AKAP13: variants seen among roughly 807,000 people sequenced by gnomAD.
AKAP13 encodes the protein A-kinase anchoring protein 13.
Under a neutral mutation model 264.5 loss-of-function variants are expected in AKAP13, and 80 were observed. That is an observed-to-expected ratio of 0.30 (90% CI 0.25 to 0.36). The LOEUF (loss-of-function observed/expected upper bound fraction) is 0.36. Ranked by LOEUF, AKAP13 falls within the 10% of genes least tolerant of loss-of-function variation. The probability of loss-of-function intolerance (pLI) is 1.00; values close to 1 mark genes in which losing one functional copy is unlikely to be tolerated. For synonymous variants in AKAP13, 1,380 were observed against 1,250.2 expected (o/e 1.10, Z -2.19); for missense variants, 3,712 against 3,435.2 (o/e 1.08, Z -2.01).
At chr15:85,603,345 A>G (rs147665497) in intron 8 of AKAP13, among the ~76,000 whole-genome samples, 3 of 152,358 alleles carry the variant, frequency 2.0e-5, no homozygotes, top group Admixed American at 2.0e-4. Context: ...TCATTCTGGC[A>G]CCAATGCCTT....
At chr15:85,424,703 T>C (rs943816822) in intron 1 of AKAP13, among the ~76,000 whole-genome samples, 1 of 152,252 alleles carries the variant, frequency 6.6e-6, no homozygotes, top group Non-Finnish European at 1.5e-5. Context: ...GCAAGAGGCC[T>C]AGCTTTCTGC....
rs1245935452 is a variant in AKAP13, at chr15:85,581,979, C to A, written c.3911C>A (p.Pro1304Gln). The A allele has an allele frequency of 3.7e-6, 6 of 1,614,038 alleles. No individual in the cohort carries two copies. Among genetic ancestry groups the A allele is most frequent in the Admixed American group, 3.3e-5 (2 of 60,008 alleles). ...SAFTEKVSTFPPGESLPMGST... is the reference protein window; with the variant it reads ...SAFTEKVSTFQPGESLPMGST... ...TTTACAGAAAAAGTGAGTACTTTCC[C>A]ACCTGGGGAGAGCCTACCAATGGGC... The change falls in exon 7 of 37, where the codon CCA becomes CAA. Residue 1304 changes from proline to glutamine, a missense_variant. Coordinates refer to ENST00000394518, the MANE Select transcript of AKAP13 (RefSeq NM_007200.5).
chr15:85,639,725 T>A (rs1350367302), intron 9 of AKAP13, among the ~76,000 whole-genome samples: 1 of 152,244 alleles, frequency 6.6e-6, no homozygotes, highest in East Asian at 1.9e-4. Context: ...ATAGGATTTT[T>A]AATCTGGTAA....
chr15:85,535,979 T>G (rs1239886033), intron 4 of AKAP13: 1 of 152,134 alleles, frequency 6.6e-6, no homozygotes, highest in Non-Finnish European at 1.5e-5. Context: ...TTTTGTGTGT[T>G]TTAGTAGAGA....
intron 2 of AKAP13, among the ~76,000 whole-genome samples, chr15:85,513,207 C>A (rs1567097530): frequency 6.6e-6 from 1 of 152,106 alleles, no homozygotes; most frequent in Non-Finnish European, 1.5e-5. Flanking sequence ...CTTGTGTGAG[C>A]ATGGACAGGC....
At chr15:85,449,235 G>A (rs915302028) in intron 1 of AKAP13, among the ~76,000 whole-genome samples, 1 of 152,108 alleles carries the variant, frequency 6.6e-6, no homozygotes, top group African/African-American at 2.4e-5. Context: ...TTTGGTTGCT[G>A]TTGGTATATA....
intron 1 of AKAP13, among the ~76,000 whole-genome samples, chr15:85,466,051 G>T (rs146286155): frequency 7.6e-4 from 115 of 152,300 alleles, no homozygotes; most frequent in African/African-American, 2.6e-3. Context: ...CTTTCTAACT[G>T]GTGTGAGATG....
At chr15:85,676,111 C>T (rs2084213877) in intron 14 of AKAP13, among the ~76,000 whole-genome samples, 1 of 152,140 alleles carries the variant, frequency 6.6e-6, no homozygotes, top group South Asian at 2.1e-4. Context: ...CGGGGTTTCA[C>T]CGTGTTGGCC....
chr15:85,620,792 G>A (rs904446072), intron 8 of AKAP13, among the ~76,000 whole-genome samples: 12 of 152,218 alleles, frequency 7.9e-5, no homozygotes, highest in South Asian at 4.1e-4. Context: ...TGTGTTCTCC[G>A]CATTAGTGAT....
At chr15:85,739,043 A>G (rs1004363146) in intron 33 of AKAP13, among the ~76,000 whole-genome samples, 19 of 152,356 alleles carry the variant, frequency 1.2e-4, no homozygotes, top group South Asian at 8.3e-4. Context: ...TTTACAAAGC[A>G]TGCTGTTGCA....
chr15:85,525,910 T>A (rs2077023402), intron 3 of AKAP13, among the ~76,000 whole-genome samples: 1 of 152,188 alleles, frequency 6.6e-6, no homozygotes, highest in Non-Finnish European at 1.5e-5. Context: ...AACAGGATGT[T>A]TAGTGGGTTT....
intron 8 of AKAP13, among the ~76,000 whole-genome samples, chr15:85,591,221 A>G (rs536175968): frequency 2.0e-3 from 1 of 504 alleles, no homozygotes; most frequent in Admixed American, 0.028. Flanking sequence ...TTTCTATGTG[A>G]ATAATTTTTC....
intron 17 of AKAP13, among the ~76,000 whole-genome samples, chr15:85,705,249 A>G (rs527963041): frequency 6.6e-6 from 1 of 152,178 alleles, no homozygotes; most frequent in Non-Finnish European, 1.5e-5. Context: ...CTCCCTTAAA[A>G]ATCATCATTG....
chr15:85,388,579 T>C (rs1198004134), intron 1 of AKAP13, among the ~76,000 whole-genome samples: 1 of 152,236 alleles, frequency 6.6e-6, no homozygotes, highest in Non-Finnish European at 1.5e-5. Flanking sequence ...TGAATAGATA[T>C]TGAATGTTGT....
At chr15:85,482,063 C>T (rs978675040) in intron 1 of AKAP13, among the ~76,000 whole-genome samples, 3 of 152,288 alleles carry the variant, frequency 2.0e-5, no homozygotes, top group African/African-American at 7.2e-5. Context: ...ATATGCTCCT[C>T]CCTTTAGAAC....
chr15:85,599,586 G>C lies in AKAP13; in HGVS notation c.4161+13763G>C, dbSNP rs540164846. Among the ~76,000 whole-genome samples, 228 of 152,246 alleles carry C rather than the reference G, an allele frequency of 1.5e-3. 1 individual carries two copies. The highest frequency in any genetic ancestry group is 1.6e-3 in the Non-Finnish European group (111 of 68,024). ...ACTGTGCTTCTAGCTGTCCCAGAAG[G>C]GGGGAGGTGGGAAGCTCATCAGTGC... On this transcript the variant is annotated intron_variant, in intron 8 of 36. Transcript: ENST00000394518.
intron 17 of AKAP13, among the ~76,000 whole-genome samples, chr15:85,704,579 T>C (rs2086122634): frequency 6.6e-6 from 1 of 152,186 alleles, no homozygotes; most frequent in Admixed American, 6.5e-5. Flanking sequence ...ACTGTTTGTT[T>C]TAGGTACAGA....
chr15:85,471,553 A>G (rs1211394624), intron 1 of AKAP13, among the ~76,000 whole-genome samples: 3 of 152,216 alleles, frequency 2.0e-5, no homozygotes, highest in Non-Finnish European at 2.9e-5. Context: ...ATTTAAACAC[A>G]ATAAAATTCA....
At chr15:85,494,435 C>G (rs569042957) in intron 2 of AKAP13, among the ~76,000 whole-genome samples, 3 of 152,298 alleles carry the variant, frequency 2.0e-5, no homozygotes, top group East Asian at 3.9e-4. Context: ...GAAATAATAG[C>G]TGTCAAGAAT....
Sources: gnomAD v4.1 joint callset for allele counts (sites outside exome capture counted in the v4.1 genomes callset) on GRCh38, gnomAD v4.1.1 for gene constraint, MANE v1.5 for transcripts, NCBI Gene and HGNC (gene_info 2026-07-23, HGNC 2026-07-21) for gene names.